The following MED13L variants were observed in gnomAD, a reference collection of about 807,000 sequenced individuals.
MED13L encodes the protein mediator complex subunit 13L.
A neutral mutation model predicts 220.9 loss-of-function variants in MED13L; 7 were observed. The observed-to-expected ratio is 0.03, with a 90% confidence interval of 0.02 to 0.06. The LOEUF is 0.06. Ranked by LOEUF, MED13L falls within the 10% of genes least tolerant of loss-of-function variation. The pLI is 1.00. For synonymous variants in MED13L, 1,011 were observed against 1,015.2 expected (o/e 1.00, Z 0.08); for missense variants, 1,965 against 2,760.5 (o/e 0.71, Z 6.46).
rs551946261 is a variant in MED13L at position 115,971,156 on chromosome 12, A to G, written c.5891-386T>C. ...TAGGACCATAAAATCAATACATGTT[A>G]TAACACTTAATGAATGCTTACTACA... On this transcript the variant is annotated intron_variant, in intron 26 of 30. Coordinates refer to ENST00000281928, the MANE Select transcript of MED13L (RefSeq NM_015335.5). 9.8e-5 allele frequency among the ~76,000 whole-genome samples: 15 copies of G among 152,350 alleles called. No homozygotes were observed. The East Asian group carries it at 2.3e-3, about 23-fold the overall frequency.
chr12:115,986,771 C>T (rs1182132327), intron 18 of MED13L, among the ~76,000 whole-genome samples: 1 of 152,130 alleles, frequency 6.6e-6, no homozygotes, highest in Non-Finnish European at 1.5e-5. Flanking sequence ...TCATTTCCTT[C>T]AAGATAAGCA....
chr12:115,963,172 G>C (rs1875888097), intron 30 of MED13L, among the ~76,000 whole-genome samples: 1 of 152,142 alleles, frequency 6.6e-6, no homozygotes, highest in African/African-American at 2.4e-5. Context: ...GCTCTGAACA[G>C]GAAGCAAAGG....
intron 2 of MED13L, among the ~76,000 whole-genome samples, chr12:116,234,498 G>C (rs551133943): frequency 7.9e-5 from 12 of 152,104 alleles, no homozygotes; most frequent in Admixed American, 5.9e-4. Flanking sequence ...CCAAAGTGCA[G>C]GGATTACAGG....
At chr12:116,023,144 G>C (rs933493959) in intron 4 of MED13L, among the ~76,000 whole-genome samples, 2 of 151,940 alleles carry the variant, frequency 1.3e-5, no homozygotes, top group Admixed American at 1.3e-4. Context: ...ATAAATAAAT[G>C]AATTAGCCAG....
intron 2 of MED13L, among the ~76,000 whole-genome samples, chr12:116,176,597 G>C (rs945321828): frequency 1.3e-5 from 2 of 152,140 alleles, no homozygotes; most frequent in African/African-American, 4.8e-5. Context: ...GCCAAGGGTT[G>C]AGGATAAGCA....
intron 4 of MED13L, among the ~76,000 whole-genome samples, chr12:116,087,938 C>T (rs1871853125): frequency 6.6e-6 from 1 of 152,180 alleles, no homozygotes; most frequent in African/African-American, 2.4e-5. Context: ...AAATACGTAT[C>T]AGGTTCCCCA....
intron 3 of MED13L, among the ~76,000 whole-genome samples, chr12:116,108,371 T>G (rs1016361846): frequency 9.6e-6 from 1 of 103,862 alleles, no homozygotes; most frequent in South Asian, 3.6e-4. Flanking sequence ...ACATTAACAA[T>G]AGCTGAGCTT....
Position 116,003,116 on chromosome 12 carries a change from G to A in MED13L, c.2470-14C>T, listed in dbSNP as rs369933520. 4 of 1,608,502 alleles carry A rather than the reference G, an allele frequency of 2.5e-6. No homozygotes were observed. Among genetic ancestry groups the A allele is most frequent in the African/African-American group, 1.3e-5 (1 of 74,788 alleles). The stretch of plus-strand genomic sequence containing the variant: ...AGGTGATACAGCCTAAGAACAGACG[G>A]TGTTATTAAAACAGAGTGACGTGTA... On this transcript the variant is annotated splice_polypyrimidine_tract_variant and intron_variant, in intron 13 of 30. Transcript: ENST00000281928.
At chr12:116,252,978 A>T (rs1038088830) in intron 1 of MED13L, among the ~76,000 whole-genome samples, 3 of 152,238 alleles carry the variant, frequency 2.0e-5, no homozygotes, top group African/African-American at 7.2e-5. Context: ...AAAGACACAG[A>T]GGGCCAGGCG....
At chr12:116,206,822 G>A (rs1882362503) in intron 2 of MED13L, among the ~76,000 whole-genome samples, 1 of 152,056 alleles carries the variant, frequency 6.6e-6, no homozygotes, top group Non-Finnish European at 1.5e-5. Context: ...ACTTCTTTAT[G>A]CCTTGTTTTG....
At chr12:116,249,053 C>A (rs1809065744) in intron 1 of MED13L, among the ~76,000 whole-genome samples, 1 of 152,198 alleles carries the variant, frequency 6.6e-6, no homozygotes, top group Non-Finnish European at 1.5e-5. Flanking sequence ...CTGATAGAGG[C>A]TCTTTTGAAA....
At chr12:116,102,672 C>T (rs1439934717) in intron 3 of MED13L, among the ~76,000 whole-genome samples, 1 of 149,700 alleles carries the variant, frequency 6.7e-6, no homozygotes, top group East Asian at 2.0e-4. Flanking sequence ...AAACCTTTCC[C>T]GAGTAATCCC....
chr12:115,966,079 A>AACCTTTAAGAAGAGAGGGCACTG lies in MED13L; in HGVS notation c.6367_6387+2dup. ...CAAACTTCTAATATGACACCAAACC[A>AACCTTTAAGAAGAGAGGGCACTG]ACCTTTAAGAAGAGAGGGCACTGGT... is the stretch of plus-strand genomic sequence containing the variant. On this transcript the variant is annotated splice_region_variant and intron_variant, in intron 29 of 30. Transcript: ENST00000281928. 6.2e-7 allele frequency: 1 copy of AACCTTTAAGAAGAGAGGGCACTG among 1,614,142 alleles called. No homozygotes were observed. Among genetic ancestry groups the AACCTTTAAGAAGAGAGGGCACTG allele is most frequent in the Middle Eastern group, 1.7e-4 (1 of 6,050 alleles).
chr12:116,070,734 T>A (rs921807142), intron 4 of MED13L, among the ~76,000 whole-genome samples: 2 of 152,178 alleles, frequency 1.3e-5, no homozygotes, highest in African/African-American at 4.8e-5. Context: ...CACAAGTACA[T>A]CTACATTACA....
chr12:116,277,013 C>CT, intron 1 of MED13L, 47 bp downstream of exon 1: 1 of 1,284,314 alleles, frequency 7.8e-7, no homozygotes, highest in South Asian at 1.3e-5. Context: ...GTCGGGGACC[C>CT]CCCCCCTTCC....
At chr12:116,079,245 G>A (rs1871048432) in intron 4 of MED13L, among the ~76,000 whole-genome samples, 1 of 151,960 alleles carries the variant, frequency 6.6e-6, no homozygotes, top group Non-Finnish European at 1.5e-5. Flanking sequence ...GTTTTTTTGA[G>A]ATGGTCTCGC....
At chr12:116,067,048 G>A (rs1418006958) in intron 4 of MED13L, among the ~76,000 whole-genome samples, 1 of 151,996 alleles carries the variant, frequency 6.6e-6, no homozygotes, top group East Asian at 1.9e-4. Context: ...AATAATTGTG[G>A]AGGACAAAGT....
intron 2 of MED13L, among the ~76,000 whole-genome samples, chr12:116,211,825 C>T (rs923089713): frequency 1.3e-5 from 2 of 152,230 alleles, no homozygotes; most frequent in South Asian, 2.1e-4. Context: ...TTTTAATCCT[C>T]GATTCCATTC....
chr12:115,962,579 T>C (rs529695195), intron 30 of MED13L: 20 of 152,210 alleles, frequency 1.3e-4, no homozygotes, highest in Non-Finnish European at 2.4e-4. Context: ...ATCTATAATA[T>C]ATAGTTTCCT....
Sources: gnomAD v4.1 joint callset for allele counts (sites outside exome capture counted in the v4.1 genomes callset) on GRCh38, gnomAD v4.1.1 for gene constraint, MANE v1.5 for transcripts, NCBI Gene and HGNC (gene_info 2026-07-23, HGNC 2026-07-21) for gene names.